PRKCA: variants seen among roughly 807,000 people sequenced by gnomAD.
PRKCA encodes protein kinase C alpha.
A neutral mutation model predicts 87.0 loss-of-function variants in PRKCA; 27 were observed. That is an observed-to-expected ratio of 0.31 (90% CI 0.23 to 0.43). The LOEUF is 0.43. Ranked by LOEUF, PRKCA falls within the 20% of genes least tolerant of loss-of-function variation. PRKCA has a pLI of 1.00. For missense variants in PRKCA, 518 were observed against 852.3 expected (o/e 0.61, Z 4.88); for synonymous variants, 329 against 311.1 (o/e 1.06, Z -0.61).
At chr17:66,323,742 C>T (rs1567771738) in intron 2 of PRKCA, among the ~76,000 whole-genome samples, 1 of 152,060 alleles carries the variant, frequency 6.6e-6, no homozygotes, top group Non-Finnish European at 1.5e-5. Flanking sequence ...GAGTTCGAGA[C>T]CAGCCTGGCC....
intron 4 of PRKCA, among the ~76,000 whole-genome samples, chr17:66,643,885 C>T (rs1156606613): frequency 1.3e-5 from 2 of 152,194 alleles, no homozygotes; most frequent in African/African-American, 2.4e-5. Context: ...GGGCCAACCT[C>T]TCACTTTGTA....
At chr17:66,781,923 AGTGT>A (rs1975240828) in intron 14 of PRKCA, among the ~76,000 whole-genome samples, 1 of 139,490 alleles carries the variant, frequency 7.2e-6, no homozygotes, top group African/African-American at 2.7e-5. Flanking sequence ...TGTGTGAGTG[AGTGT>A]GAGTGTGACA....
At chr17:66,704,063 G>A (rs534402800) in intron 8 of PRKCA, among the ~76,000 whole-genome samples, 1 of 151,854 alleles carries the variant, frequency 6.6e-6, no homozygotes, top group East Asian at 1.9e-4. Context: ...AATCTTATGG[G>A]ACCACCATCA....
At chr17:66,741,812 C>T in intron 12 of PRKCA, 91 bp downstream of exon 12, 1 of 1,357,998 alleles carries the variant, frequency 7.4e-7, no homozygotes, top group Non-Finnish European at 1.0e-6. Context: ...ACTTAAGACA[C>T]AGAGTTGATA....
chr17:66,645,541 G>T (rs575155747), intron 5 of PRKCA, 30 bp downstream of exon 5: 2 of 1,613,368 alleles, frequency 1.2e-6, no homozygotes, highest in African/African-American at 2.7e-5. Flanking sequence ...GAGCAGCATC[G>T]TGGGCAGGCA....
Position 66,545,134 on chromosome 17 carries a change from T to C in PRKCA, c.288+48851T>C, listed in dbSNP as rs116712979. ...ACTTGTCAGTGCTGCAGGAGTTTAA[T>C]ACAGATAATTTAGGCTGGGCGCAGT... On this transcript the variant is annotated intron_variant, in intron 3 of 16. Transcript: ENST00000413366. Among the ~76,000 whole-genome samples, 897 of 152,252 alleles carry C rather than the reference T, an allele frequency of 5.9e-3. 13 individuals carry two copies. The highest frequency in any genetic ancestry group is 0.018 in the African/African-American group (761 of 41,546).
In PRKCA at chr17:66,595,332, CT is replaced by C. The variant is rs1969939716; in HGVS notation, c.289-46021del. ...ACAGGTGTGAGCCACTGCACCTGGC[CT>C]TCCCTCACTTTTCTTTCGCAAGTAC... is the stretch of plus-strand genomic sequence containing the variant. On this transcript the variant is annotated intron_variant, in intron 3 of 16. Transcript: ENST00000413366. 2.6e-5 allele frequency among the ~76,000 whole-genome samples: 4 copies of C among 152,196 alleles called. No individual in the cohort carries two copies. The South Asian group carries it at 8.3e-4, about 32-fold the overall frequency.
chr17:66,379,835 A>G (rs1316651440), intron 2 of PRKCA, among the ~76,000 whole-genome samples: 1 of 152,182 alleles, frequency 6.6e-6, no homozygotes, highest in African/African-American at 2.4e-5. Context: ...CAAGAATTTT[A>G]AAGTGTTAGC....
At chr17:66,764,643 G>A (rs957282036) in intron 13 of PRKCA, among the ~76,000 whole-genome samples, 2 of 152,270 alleles carry the variant, frequency 1.3e-5, no homozygotes, top group Admixed American at 6.5e-5. Flanking sequence ...CAGTGGCCTT[G>A]TTGGGGGTCT....
At chr17:66,653,514 C>A (rs900079395) in intron 5 of PRKCA, among the ~76,000 whole-genome samples, 25 of 152,130 alleles carry the variant, frequency 1.6e-4, no homozygotes, top group Admixed American at 6.5e-5. Context: ...TCGCTTGAAC[C>A]CAGGAGTTCG....
chr17:66,335,838 C>A (rs1000297335), intron 2 of PRKCA, among the ~76,000 whole-genome samples: 1 of 152,056 alleles, frequency 6.6e-6, no homozygotes, highest in South Asian at 2.1e-4. Context: ...ATAATTACTT[C>A]AGGTAAATTC....
chr17:66,544,189 A>T (rs1354436220), intron 3 of PRKCA, among the ~76,000 whole-genome samples: 1 of 152,158 alleles, frequency 6.6e-6, no homozygotes. Context: ...AGACCACTGC[A>T]CTGCAGCCTG....
chr17:66,739,831 A>G (rs1974119191), intron 11 of PRKCA, among the ~76,000 whole-genome samples: 1 of 151,896 alleles, frequency 6.6e-6, no homozygotes, highest in Non-Finnish European at 1.5e-5. Flanking sequence ...CTGGCTGTGG[A>G]GGAGGGAAGA....
At chr17:66,775,498 G>A in intron 14 of PRKCA, 2 of 985,380 alleles carry the variant, frequency 2.0e-6, no homozygotes, top group Non-Finnish European at 2.4e-6. Context: ...TCACGAAGCA[G>A]GCTTGGTAAT....
chr17:66,473,111 CCTT>C (rs1391718828), intron 2 of PRKCA, among the ~76,000 whole-genome samples: 1 of 152,184 alleles, frequency 6.6e-6, no homozygotes, highest in Non-Finnish European at 1.5e-5. Context: ...CCCCATTCCT[CCTT>C]CTTCTCCTGC....
At chr17:66,434,251 C>A (rs557630449) in intron 2 of PRKCA, among the ~76,000 whole-genome samples, 3 of 135,264 alleles carry the variant, frequency 2.2e-5, no homozygotes, top group African/African-American at 7.5e-5. Context: ...CAGTTTAATG[C>A]CATCAAGGGG....
chr17:66,743,850 C>T (rs774331885), intron 13 of PRKCA, among the ~76,000 whole-genome samples: 1 of 152,138 alleles, frequency 6.6e-6, no homozygotes. Flanking sequence ...GAAAAAGGCA[C>T]CCACAAGCTC....
At chr17:66,522,727 G>C (rs1364617413) in intron 3 of PRKCA, among the ~76,000 whole-genome samples, 1 of 151,388 alleles carries the variant, frequency 6.6e-6, no homozygotes, top group African/African-American at 2.4e-5. Context: ...CATAGTGTCT[G>C]TTCTGAAGTT....
At chr17:66,314,770 A>G (rs1184493120) in intron 2 of PRKCA, among the ~76,000 whole-genome samples, 1 of 152,304 alleles carries the variant, frequency 6.6e-6, no homozygotes, top group East Asian at 1.9e-4. Context: ...GTAAAATTCT[A>G]CTGTAGAGAT....
Sources: allele counts gnomAD v4.1 joint callset (sites outside exome capture counted in the v4.1 genomes callset), GRCh38; gene constraint gnomAD v4.1.1; transcripts MANE v1.5; gene names NCBI Gene and HGNC (gene_info 2026-07-23, HGNC 2026-07-21).